Variants in CHST11 observed in about 807,000 individuals in gnomAD.
CHST11 encodes carbohydrate sulfotransferase 11, also known as C4S-1.
A neutral mutation model predicts 30.4 loss-of-function variants in CHST11; 9 were observed. The observed-to-expected ratio is 0.30, with a 90% CI of 0.18 to 0.52. The LOEUF (loss-of-function observed/expected upper bound fraction) is 0.52. CHST11 is among the 20% of genes least tolerant of loss of function. The probability of loss-of-function intolerance (pLI) is 0.97; values close to 1 mark genes in which losing one functional copy is unlikely to be tolerated. For missense variants in CHST11, 348 were observed against 460.6 expected (o/e 0.76, Z 2.24); for synonymous variants, 152 against 187.8 (o/e 0.81, Z 1.56).
At chr12:104,631,271 C>T (rs1044042881) in intron 2 of CHST11, among the ~76,000 whole-genome samples, 3 of 152,098 alleles carry the variant, frequency 2.0e-5, no homozygotes, top group Non-Finnish European at 4.4e-5. Flanking sequence ...TGGGGTCACC[C>T]GGGGCAAGTC....
intron 2 of CHST11, among the ~76,000 whole-genome samples, chr12:104,647,248 C>T (rs997499748): frequency 5.3e-5 from 8 of 152,190 alleles, no homozygotes; most frequent in East Asian, 3.8e-4. Flanking sequence ...TGTCAGAGTC[C>T]GGCAGCAGCA....
chr12:104,757,479 C>T lies in CHST11; in HGVS notation c.735C>T (p.Ile245=), dbSNP rs769968233. ...TCGAGGAGTTTGTGGCCTATCTCATCGACCCACACACCCAGCGGGAGGAGC... is the reference window on the plus strand; with the variant it reads ...TCGAGGAGTTTGTGGCCTATCTCATTGACCCACACACCCAGCGGGAGGAGC... ...VKFEEFVAYL[I]DPHTQREEPF... Residue 245 remains isoleucine (I), a synonymous_variant, in exon 3 of 3, where the codon ATC becomes ATT. Coordinates refer to ENST00000303694, the MANE Select transcript of CHST11 (RefSeq NM_018413.6). This position sits in a 1 kb window ranked among gnomAD's most constrained non-coding sequence, Gnocchi z 6.5. 1.2e-5 allele frequency: 20 copies of T among 1,613,978 alleles called. No homozygotes were observed. Among genetic ancestry groups the T allele is most frequent in the Admixed American group, 3.3e-5 (2 of 59,992 alleles).
At chr12:104,637,302 T>TAAAAAAAAAAAAAA (rs10622882) in intron 2 of CHST11, among the ~76,000 whole-genome samples, 12 of 62,570 alleles carry the variant, frequency 1.9e-4, no homozygotes, top group African/African-American at 3.3e-4. Context: ...TGAGACCCTG[T>TAAAAAAAAAAAAAA]AAAAAAAAAA....
At chr12:104,752,243 C>T (rs576626251) in intron 2 of CHST11, among the ~76,000 whole-genome samples, 82 of 152,278 alleles carry the variant, frequency 5.4e-4, no homozygotes, top group African/African-American at 2.0e-3. Flanking sequence ...GTCTCCGACT[C>T]TGTCCTCACG....
intron 1 of CHST11, among the ~76,000 whole-genome samples, chr12:104,461,127 C>T (rs932128332): frequency 1.3e-5 from 2 of 152,320 alleles, no homozygotes; most frequent in South Asian, 4.1e-4. Context: ...TTCCTGCCTT[C>T]CTGAACTGTG....
At chr12:104,647,294 G>A (rs1235248145) in intron 2 of CHST11, among the ~76,000 whole-genome samples, 2 of 152,192 alleles carry the variant, frequency 1.3e-5, no homozygotes, top group Non-Finnish European at 2.9e-5. Flanking sequence ...CCTGATGGAA[G>A]CCAACTGGCT....
chr12:104,710,195 G>A (rs538770946), intron 2 of CHST11, among the ~76,000 whole-genome samples: 2 of 141,480 alleles, frequency 1.4e-5, no homozygotes, highest in South Asian at 4.3e-4. Context: ...GCAAGACCCT[G>A]TCTCAAACAA....
intron 2 of CHST11, among the ~76,000 whole-genome samples, chr12:104,628,870 G>C (rs1410599133): frequency 6.6e-6 from 1 of 152,096 alleles, no homozygotes; most frequent in African/African-American, 2.4e-5. Context: ...TGACTTTCTG[G>C]TTATTTATTT....
chr12:104,472,141 CTTTTTTTT>C (rs554866671), intron 1 of CHST11, among the ~76,000 whole-genome samples: 1 of 139,432 alleles, frequency 7.2e-6, no homozygotes, highest in East Asian at 2.0e-4. Context: ...TTTTTTTTTT[CTTTTTTTT>C]TTTTTTGTAG....
At chr12:104,554,787 A>G (rs1168542206) in intron 1 of CHST11, among the ~76,000 whole-genome samples, 1 of 152,222 alleles carries the variant, frequency 6.6e-6, no homozygotes, top group Non-Finnish European at 1.5e-5. Flanking sequence ...GCCCTCAGAG[A>G]GCCATCTTAT....
At chr12:104,656,863 G>C (rs2039548987) in intron 2 of CHST11, among the ~76,000 whole-genome samples, 1 of 152,124 alleles carries the variant, frequency 6.6e-6, no homozygotes, top group Non-Finnish European at 1.5e-5. Flanking sequence ...ACCCCATCTA[G>C]GTGTTAAGGC....
At chr12:104,518,971 T>G (rs1383987345) in intron 1 of CHST11, among the ~76,000 whole-genome samples, 1 of 98,046 alleles carries the variant, frequency 1.0e-5, no homozygotes, top group Non-Finnish European at 1.9e-5. Flanking sequence ...TCTTTTTTTC[T>G]TTCTTTTTTT....
intron 1 of CHST11, among the ~76,000 whole-genome samples, chr12:104,592,936 C>T (rs2038874698): frequency 1.3e-5 from 2 of 152,068 alleles, no homozygotes; most frequent in Admixed American, 1.3e-4. Context: ...ATTTGGTGAC[C>T]CAGTTCTTCT....
At chr12:104,492,219 C>T (rs2037754500) in intron 1 of CHST11, among the ~76,000 whole-genome samples, 1 of 152,190 alleles carries the variant, frequency 6.6e-6, no homozygotes, top group Admixed American at 6.5e-5. Context: ...GCCTCAGCCT[C>T]CTGAGTAACT....
chr12:104,514,571 T>A, intron 1 of CHST11: 1 of 424,470 alleles, frequency 2.4e-6, no homozygotes, highest in East Asian at 4.9e-5. Context: ...TGGCTCACGG[T>A]TCTGCAGGCT....
chr12:104,616,868 G>A (rs2039113003), intron 2 of CHST11, among the ~76,000 whole-genome samples: 2 of 152,208 alleles, frequency 1.3e-5, no homozygotes, highest in African/African-American at 2.4e-5. Context: ...AAGTAGGTTA[G>A]GTCACAAAGG....
Position 104,601,965 on chromosome 12 carries a change from C to T in CHST11, c.178C>T (p.Leu60=). Reference sequence around the variant, plus strand: ...CTGCCGGAAGGGGTCCCGAAGCCCCCTGCAGGAACTCTACAACCCAATCCA... The same window carrying T: ...CTGCCGGAAGGGGTCCCGAAGCCCCTTGCAGGAACTCTACAACCCAATCCA... The part of the protein sequence containing the change: ...ICCRKGSRSP[L]QELYNPIQLE... The change falls in exon 2 of 3, where the codon CTG becomes TTG. Residue 60 remains leucine (L), a synonymous_variant. Transcript: ENST00000303694. 3 of 1,614,008 alleles carry T rather than the reference C, an allele frequency of 1.9e-6. No individual in the cohort carries two copies. The highest frequency in any genetic ancestry group is 2.5e-6 in the Non-Finnish European group (3 of 1,179,960).
rs10659007 is a variant in CHST11, at chr12:104,750,428, CTTTTTTTTTTTT to C, written c.205-6504_205-6493del. Among the ~76,000 whole-genome samples the C allele has an allele frequency of 2.3e-4, 11 of 48,836 alleles. 1 individual carries two copies. The highest frequency in any genetic ancestry group is 5.1e-4 in the East Asian group (1 of 1,970). 32.0% of individuals were successfully genotyped at this position (48,836 alleles called of 152,430 possible). On this transcript the variant is annotated intron_variant, in intron 2 of 2. Transcript: ENST00000303694. ...GTGTACCTGGTTTTATATTTCTGCA[CTTTTTTTTTTTT>C]TTTTTTTTTTTTTTTTGTTGAGACT...
intron 1 of CHST11, among the ~76,000 whole-genome samples, chr12:104,471,989 C>A (rs1333134721): frequency 6.6e-6 from 1 of 152,058 alleles, no homozygotes; most frequent in Non-Finnish European, 1.5e-5. Context: ...GTGACAGAAT[C>A]TTGCTCTGTC....
Sources: gnomAD v4.1 joint callset for allele counts (sites outside exome capture counted in the v4.1 genomes callset) on GRCh38, gnomAD v4.1.1 for gene constraint, Gnocchi (gnomAD v3.1) non-coding constraint, MANE v1.5 for transcripts, NCBI Gene and HGNC (gene_info 2026-07-23, HGNC 2026-07-21) for gene names.